RAP2C: variants seen among roughly 807,000 people sequenced by gnomAD.
RAP2C encodes RAP2C, member of RAS oncogene family.
A neutral mutation model predicts 8.9 loss-of-function variants in RAP2C; 3 were observed. The ratio of observed to expected loss-of-function variants is 0.34; its 90% CI spans 0.15 to 0.87. The LOEUF (loss-of-function observed/expected upper bound fraction) is 0.87. Among genes scored for constraint, RAP2C ranks in the 40% least tolerant of loss-of-function variants. The probability of loss-of-function intolerance (pLI) is 0.51; values close to 1 mark genes in which losing one functional copy is unlikely to be tolerated. For missense variants in RAP2C, 76 were observed against 133.7 expected, an observed-to-expected ratio of 0.57 and a Z score of 2.13; for synonymous variants, 60 against 52.1, an observed-to-expected ratio of 1.15 and a Z score of -0.65.
rs747147776 is a variant in RAP2C at position 132,214,423 on chromosome X, T to C, written c.297A>G (p.Gln99=). 5.0e-6 allele frequency: 6 copies of C among 1,210,838 alleles called. No individual in the cohort carries two copies. The highest frequency in any genetic ancestry group is 6.7e-6 in the Non-Finnish European group (6 of 894,895). The change falls in exon 5 of 6, where the codon CAA becomes CAG. Residue 99 remains glutamine (Q), a synonymous_variant. Transcript: ENST00000370874. ...TTTCATATCTCTTCACTCTGACAAT[T>C]TGATCTCTCATTGGCTTGATATCCT... ...SFQDIKPMRD[Q]IVRVKRYEKV...
chrX:132,217,357 A>C lies in RAP2C; in HGVS notation c.-89T>G. On this transcript the variant is annotated 5_prime_UTR_variant, in exon 4 of 6. Transcript: ENST00000370874. ...GCTAGACGAGGCGGAAGGTGGGCGG[A>C]AATCTGCGAACTGGGGAGGAGAGTG... The C allele has an allele frequency of 1.1e-6, 1 of 897,876 alleles. No individual in the cohort carries two copies. Among genetic ancestry groups the C allele is most frequent in the Non-Finnish European group, 1.5e-6 (1 of 672,012 alleles). 74.0% of individuals were successfully genotyped at this position (897,876 alleles called of 1,213,427 possible).
chrX:132,217,473 T>G lies in RAP2C; in HGVS notation c.-205A>C. The G allele has an allele frequency of 3.4e-6, 1 of 295,043 alleles. No homozygotes were observed. Among genetic ancestry groups the G allele is most frequent in the Non-Finnish European group, 5.9e-6 (1 of 168,932 alleles). 24.3% of individuals were successfully genotyped at this position (295,043 alleles called of 1,213,427 possible). A position where few individuals can be genotyped will look rare whatever the true frequency, so the allele number is the denominator to read the frequency against. ...AGAGTCGGGGAGGGTGGGGAAGGGA[T>G]GGTAATGCCCTTCCTATAGGAACTG... is the stretch of plus-strand genomic sequence containing the variant. On this transcript the variant is annotated 5_prime_UTR_variant, in exon 4 of 6. Transcript: ENST00000370874.
chrX:132,214,245 C>G lies in RAP2C; in HGVS notation c.475G>C (p.Glu159Gln). 8.3e-7 allele frequency: 1 copy of G among 1,211,830 alleles called. No individual in the cohort carries two copies. Among genetic ancestry groups the G allele is most frequent in the Non-Finnish European group, 1.1e-6 (1 of 895,459 alleles). Residue 159 changes from glutamate (E) to glutamine (Q), a missense_variant, in exon 5 of 6, where the codon GAG (glutamate) becomes CAG (glutamine). Glu to Gln is a conservative substitution (Grantham distance 29). Coordinates refer to ENST00000370874, the MANE Select transcript of RAP2C (RefSeq NM_001271186.2). Reference protein sequence around the residue: ...SKSMVDELFAEIVRQMNYSSL... With the variant: ...SKSMVDELFAQIVRQMNYSSL... ...GAATAGTTCATTTGCCTGACGATCT[C>G]AGCAAAAAGTTCATCCACCATTGAT...
Position 132,204,151 on chromosome X carries a change from G to A in RAP2C, c.*1471C>T, listed in dbSNP as rs1930204157. 8.9e-6 allele frequency: 1 copy of A among 112,403 alleles called. No homozygotes were observed. The highest frequency in any genetic ancestry group is 1.9e-5 in the Non-Finnish European group (1 of 53,144). 9.3% of individuals were successfully genotyped at this position (112,403 alleles called of 1,213,427 possible). Reference sequence around the variant, plus strand: ...ATTTTATTTAGAAGCATGTTCAAATGACTAAAGCTGGGCTCCTAAAATCGA... The same window carrying A: ...ATTTTATTTAGAAGCATGTTCAAATAACTAAAGCTGGGCTCCTAAAATCGA... On this transcript the variant is annotated 3_prime_UTR_variant, in exon 6 of 6. Transcript: ENST00000370874.
rs58119368 is a variant in RAP2C at position 132,204,980 on chromosome X, C to CAAAAA, written c.*637_*641dup. ...TGTAACCTTCAGAACATGTTAATTA[C>CAAAAA]AAAAAAAAAAAAAAAAAAACAAAAC... On this transcript the variant is annotated 3_prime_UTR_variant, in exon 6 of 6. Transcript: ENST00000370874. 3.8e-3 allele frequency: 193 copies of CAAAAA among 51,002 alleles called. No individual in the cohort carries two copies. Among genetic ancestry groups the CAAAAA allele is most frequent in the Non-Finnish European group, 4.3e-3 (116 of 26,754 alleles). 4.2% of individuals were successfully genotyped at this position (51,002 alleles called of 1,213,427 possible). A position where few individuals can be genotyped will look rare whatever the true frequency, so the allele number is the denominator to read the frequency against.
chrX:132,218,287 G>A lies in RAP2C; in HGVS notation c.-691C>T, dbSNP rs1417454086. 1 of 109,382 alleles carries A rather than the reference G, an allele frequency of 9.1e-6. No individual in the cohort carries two copies. Among genetic ancestry groups the A allele is most frequent in the Non-Finnish European group, 1.9e-5 (1 of 52,344 alleles). The allele number at this position is 109,382 out of a possible 1,213,427, so 9.0% of individuals were successfully genotyped here. On this transcript the variant is annotated 5_prime_UTR_variant, in exon 2 of 6. Transcript: ENST00000370874. ...CCGCGCCCTGCTGAGCGAGCGAGCC[G>A]GCCGGGGACGGTTTCGGGTCGGGAC...
chrX:132,208,762 G>A (rs928277152), intron 5 of RAP2C, among the ~76,000 whole-genome samples: 51 of 110,691 alleles, frequency 4.6e-4, no homozygotes, highest in African/African-American at 1.6e-3. Flanking sequence ...CTGGGCTCAG[G>A]GGATCCTCCT....
chrX:132,206,701 G>T (rs1301486883), intron 5 of RAP2C, among the ~76,000 whole-genome samples: 1 of 111,858 alleles, frequency 8.9e-6, no homozygotes, highest in Non-Finnish European at 1.9e-5. Flanking sequence ...AAGAGCCTGA[G>T]ATAATGCTTT....
chrX:132,210,949 C>G (rs903561806), intron 5 of RAP2C, among the ~76,000 whole-genome samples: 1 of 110,579 alleles, frequency 9.0e-6, no homozygotes, highest in Non-Finnish European at 1.9e-5. Context: ...TGACACCCCC[C>G]ACCCCTACCA....
rs1053900201 is a variant in RAP2C at position 132,217,555 on chromosome X, T to A, written c.-287A>T. The A allele has an allele frequency of 4.3e-6, 1 of 232,940 alleles. No homozygotes were observed. Among genetic ancestry groups the A allele is most frequent in the Non-Finnish European group, 7.7e-6 (1 of 129,601 alleles). The allele number at this position is 232,940 out of a possible 1,213,427, so 19.2% of individuals were successfully genotyped here. A position where few individuals can be genotyped will look rare whatever the true frequency, so the allele number is the denominator to read the frequency against. ...GAGCCTGGGAAAAGCCCGGCGAGGGTGGCGAGGAGGCGCGTGCCCCCGGGA... is the reference window on the plus strand; with the variant it reads ...GAGCCTGGGAAAAGCCCGGCGAGGGAGGCGAGGAGGCGCGTGCCCCCGGGA... On this transcript the variant is annotated 5_prime_UTR_variant, in exon 4 of 6. Coordinates refer to ENST00000370874, the MANE Select transcript of RAP2C (RefSeq NM_001271186.2).
chrX:132,216,986 GT>G lies in RAP2C; in HGVS notation c.273+9del, dbSNP rs755990316. ...CCCTTCTAACAAATTACAAGACTTG[GT>G]TTGGTTACCTGAAAAGACTGTTGAT... is the stretch of plus-strand genomic sequence containing the variant. On this transcript the variant is annotated intron_variant, in intron 4 of 5. Transcript: ENST00000370874. 3 of 1,115,944 alleles carry G rather than the reference GT, an allele frequency of 2.7e-6. No homozygotes were observed. The East Asian group carries it at 9.7e-5, about 36-fold the overall frequency. The allele number at this position is 1,115,944 out of a possible 1,213,427, so 92.0% of individuals were successfully genotyped here.
intron 5 of RAP2C, among the ~76,000 whole-genome samples, chrX:132,211,888 A>G (rs1434251902): frequency 9.0e-6 from 1 of 111,520 alleles, no homozygotes; most frequent in Non-Finnish European, 1.9e-5. Context: ...GGTCTGACAG[A>G]TTTCAAAGCT....
At chrX:132,216,285 G>A (rs142280728) in intron 4 of RAP2C, among the ~76,000 whole-genome samples, 2 of 111,853 alleles carry the variant, frequency 1.8e-5, no homozygotes, top group Non-Finnish European at 3.8e-5. Flanking sequence ...CCAGACCCAC[G>A]TATTTTCTGT....
intron 4 of RAP2C, among the ~76,000 whole-genome samples, chrX:132,216,021 G>GC (rs1930569564): frequency 8.9e-6 from 1 of 112,376 alleles, no homozygotes; most frequent in African/African-American, 3.2e-5. Context: ...TCTTAAGTAA[G>GC]CTACATTAAG....
intron 3 of RAP2C, 31 bp downstream of exon 3, chrX:132,217,885 C>A (rs1443913119): frequency 1.8e-5 from 2 of 111,873 alleles, no homozygotes; most frequent in African/African-American, 6.5e-5. Flanking sequence ...CCTCCCCCAA[C>A]TCCCACCCGG....
intron 5 of RAP2C, among the ~76,000 whole-genome samples, chrX:132,210,045 C>A (rs1173364184): frequency 3.6e-5 from 4 of 111,774 alleles, no homozygotes; most frequent in Non-Finnish European, 7.5e-5. Context: ...CACTTTGACT[C>A]ACCATGTGAA....
chrX:132,205,769 T>C (rs1165446964), intron 5 of RAP2C, among the ~76,000 whole-genome samples, 182 bp from the exon 6 acceptor site: 1 of 111,156 alleles, frequency 9.0e-6, no homozygotes, highest in African/African-American at 3.3e-5. Context: ...ACAGAAGTGA[T>C]GCATTGGATA....
In RAP2C at chrX:132,217,343, C is replaced by A. The variant is rs1602897098; in HGVS notation, c.-75G>T. ...CTAGCTGTGGCGCGGCTAGACGAGG[C>A]GGAAGGTGGGCGGAAATCTGCGAAC... On this transcript the variant is annotated 5_prime_UTR_variant, in exon 4 of 6. Transcript: ENST00000370874. The A allele has an allele frequency of 2.1e-6, 2 of 962,833 alleles. No homozygotes were observed. The highest frequency in any genetic ancestry group is 3.8e-5 in the Admixed American group (1 of 26,167). The allele number at this position is 962,833 out of a possible 1,213,427, so 79.3% of individuals were successfully genotyped here. A position where few individuals can be genotyped will look rare whatever the true frequency, so the allele number is the denominator to read the frequency against.
chrX:132,211,150 G>T (rs1930419134), intron 5 of RAP2C, among the ~76,000 whole-genome samples: 4 of 110,862 alleles, frequency 3.6e-5, no homozygotes, highest in Admixed American at 2.9e-4. Flanking sequence ...AAAAGCTAGG[G>T]ATGCTGTTAA....
Sources: gnomAD v4.1 joint callset for allele counts (sites outside exome capture counted in the v4.1 genomes callset) on GRCh38, gnomAD v4.1.1 for gene constraint, MANE v1.5 for transcripts, NCBI Gene and HGNC (gene_info 2026-07-23, HGNC 2026-07-21) for gene names.